Variants in FOXN3 observed in about 807,000 individuals in gnomAD.
FOXN3 encodes the protein forkhead box N3.
Under a neutral mutation model 38.4 loss-of-function variants are expected in FOXN3, and 7 were observed. The ratio of observed to expected loss-of-function variants is 0.18; its 90% CI spans 0.10 to 0.34. The LOEUF (loss-of-function observed/expected upper bound fraction) is 0.34, where lower values mean the gene tolerates loss of function less well. FOXN3 is among the 10% of genes least tolerant of loss of function. The pLI is 1.00. For synonymous variants in FOXN3, 230 were observed against 242.2 expected (o/e 0.95, Z 0.47); for missense variants, 456 against 613.4 (o/e 0.74, Z 2.71).
chr14:89,565,662 G>C (rs1258027970), intron 1 of FOXN3, among the ~76,000 whole-genome samples: 1 of 152,134 alleles, frequency 6.6e-6, no homozygotes, highest in Non-Finnish European at 1.5e-5. Context: ...TCTACCAAAG[G>C]GGAGATGAAA....
intron 1 of FOXN3, among the ~76,000 whole-genome samples, chr14:89,604,194 A>G (rs1896216634): frequency 6.8e-6 from 1 of 146,458 alleles, no homozygotes; most frequent in Non-Finnish European, 1.5e-5. Flanking sequence ...TTCCAAAAAC[A>G]AAGCAAAACA....
At chr14:89,266,717 GGAAATAA>G (rs1202535122) in intron 4 of FOXN3, among the ~76,000 whole-genome samples, 1 of 152,130 alleles carries the variant, frequency 6.6e-6, no homozygotes, top group Non-Finnish European at 1.5e-5. Context: ...AGATCCTGGG[GGAAATAA>G]GTAAGGTGTC....
intron 2 of FOXN3, among the ~76,000 whole-genome samples, chr14:89,377,377 G>A (rs1267692589): frequency 2.0e-5 from 3 of 152,068 alleles, no homozygotes; most frequent in Non-Finnish European, 4.4e-5. Context: ...ATCTGAATAT[G>A]GACTAGATGA....
intron 4 of FOXN3, among the ~76,000 whole-genome samples, chr14:89,186,516 A>G (rs375235735): frequency 1.1e-4 from 17 of 152,248 alleles, no homozygotes; most frequent in African/African-American, 3.9e-4. Flanking sequence ...AGAAGCTGGA[A>G]TGAATCTACA....
At chr14:89,457,305 G>A (rs1892747132) in intron 1 of FOXN3, among the ~76,000 whole-genome samples, 1 of 152,156 alleles carries the variant, frequency 6.6e-6, no homozygotes, top group Non-Finnish European at 1.5e-5. Context: ...AAGCAGGTGT[G>A]CAAGCCATTC....
intron 1 of FOXN3, among the ~76,000 whole-genome samples, chr14:89,447,226 T>C: frequency 6.7e-6 from 1 of 150,356 alleles, no homozygotes; most frequent in Non-Finnish European, 1.5e-5. Flanking sequence ...AACGAATTCC[T>C]AAAAGCAGAA....
At chr14:89,248,965 T>G (rs1458107222) in intron 4 of FOXN3, among the ~76,000 whole-genome samples, 1 of 152,232 alleles carries the variant, frequency 6.6e-6, no homozygotes, top group Non-Finnish European at 1.5e-5. Context: ...AATTTCTTGT[T>G]TGTGCATCCT....
At chr14:89,459,411 G>A (rs529554505) in intron 1 of FOXN3, among the ~76,000 whole-genome samples, 4 of 152,248 alleles carry the variant, frequency 2.6e-5, no homozygotes, top group African/African-American at 9.6e-5. Flanking sequence ...CAGGAACAGG[G>A]ACAGCACATT....
intron 1 of FOXN3, among the ~76,000 whole-genome samples, chr14:89,615,874 C>T (rs1896484771): frequency 1.3e-5 from 2 of 152,158 alleles, no homozygotes; most frequent in African/African-American, 2.4e-5. Flanking sequence ...TTAGGACTCT[C>T]CTCCTCCCCA....
intron 5 of FOXN3, among the ~76,000 whole-genome samples, chr14:89,172,190 G>A (rs1194033058): frequency 6.6e-6 from 1 of 152,196 alleles, no homozygotes; most frequent in East Asian, 1.9e-4. Context: ...AAGCTACAAT[G>A]AGAGGCACTG....
intron 2 of FOXN3, among the ~76,000 whole-genome samples, chr14:89,405,299 G>A (rs974761797): frequency 6.6e-6 from 1 of 152,064 alleles, no homozygotes; most frequent in Non-Finnish European, 1.5e-5. Context: ...ACCAGACCCG[G>A]CTACTTTTTG....
intron 3 of FOXN3, among the ~76,000 whole-genome samples, chr14:89,331,736 T>C (rs8020090): frequency 0.49 from 75,036 of 152,122 alleles, 20,124 homozygotes; most frequent in Admixed American, 0.59. Context: ...ATACCATACA[T>C]AACTGAAACA....
chr14:89,260,878 G>T (rs1885777624), intron 4 of FOXN3, among the ~76,000 whole-genome samples: 1 of 152,176 alleles, frequency 6.6e-6, no homozygotes, highest in Non-Finnish European at 1.5e-5. Flanking sequence ...TATTTTAGTT[G>T]TGTAACCAAT....
chr14:89,269,496 T>TC (rs1886084035), intron 4 of FOXN3, among the ~76,000 whole-genome samples: 134 of 151,456 alleles, frequency 8.8e-4, no homozygotes, highest in African/African-American at 3.0e-3. Context: ...TTTTTTTTTT[T>TC]CCTTTTTCCA....
chr14:89,287,371 C>T (rs1886660929), intron 3 of FOXN3, among the ~76,000 whole-genome samples: 2 of 152,082 alleles, frequency 1.3e-5, no homozygotes, highest in African/African-American at 4.8e-5. Context: ...AGGCTTGTCT[C>T]GAACTCCTGA....
At chr14:89,496,343 C>T (rs1033534018) in intron 1 of FOXN3, among the ~76,000 whole-genome samples, 1 of 146,866 alleles carries the variant, frequency 6.8e-6, no homozygotes, top group Non-Finnish European at 1.5e-5. Context: ...TTGACCTCAC[C>T]CACCCATTTC....
intron 2 of FOXN3, among the ~76,000 whole-genome samples, chr14:89,403,598 C>G (rs1204596722): frequency 6.6e-6 from 1 of 152,218 alleles, no homozygotes; most frequent in Non-Finnish European, 1.5e-5. Flanking sequence ...AAAGGGAAAT[C>G]CCAGCCCAAT....
At chr14:89,341,208 C>A (rs1257874435) in intron 3 of FOXN3, among the ~76,000 whole-genome samples, 1 of 152,180 alleles carries the variant, frequency 6.6e-6, no homozygotes, top group Non-Finnish European at 1.5e-5. Flanking sequence ...CATCTGTCCA[C>A]CCACCCAACA....
intron 2 of FOXN3, among the ~76,000 whole-genome samples, chr14:89,357,209 G>T (rs1010135497): frequency 2.6e-5 from 4 of 152,148 alleles, no homozygotes; most frequent in African/African-American, 9.7e-5. Flanking sequence ...ATAAAAATTA[G>T]CTAGACTGCT....
Sources: allele counts gnomAD v4.1 joint callset (sites outside exome capture counted in the v4.1 genomes callset), GRCh38; gene constraint gnomAD v4.1.1; transcripts MANE v1.5; gene names NCBI Gene and HGNC (gene_info 2026-07-23, HGNC 2026-07-21).